ZBTB26: variants seen among roughly 807,000 people sequenced by gnomAD.
ZBTB26 encodes the protein zinc finger and BTB domain-containing protein 26.
In ZBTB26, 12 loss-of-function variants were observed where a neutral mutation model predicts 31.6. The ratio of observed to expected loss-of-function variants is 0.38; its 90% confidence interval spans 0.24 to 0.61. The LOEUF (loss-of-function observed/expected upper bound fraction) is 0.61, where lower values mean the gene tolerates loss of function less well. Ranked by LOEUF, ZBTB26 falls within the 20% of genes least tolerant of loss-of-function variation. The pLI is 0.60. For missense variants in ZBTB26, 311 were observed against 521.9 expected, an observed-to-expected ratio of 0.60 and a Z score of 3.94; for synonymous variants, 155 against 182.9, an observed-to-expected ratio of 0.85 and a Z score of 1.23.
chr9:122,924,456 C>A (rs376932178), intron 1 of ZBTB26, among the ~76,000 whole-genome samples: 2 of 152,084 alleles, frequency 1.3e-5, no homozygotes, highest in African/African-American at 4.8e-5. Context: ...TGACAAAAAA[C>A]AGAAGAATAA....
rs1476099401 is a variant in ZBTB26, at chr9:122,917,385, T to C, written c.*1224A>G. On this transcript the variant is annotated 3_prime_UTR_variant, in exon 2 of 2. Coordinates refer to ENST00000373656, the MANE Select transcript of ZBTB26 (RefSeq NM_020924.4). ...TAAGATTCTCTAAGGACTCTACTAA[T>C]ACTATTACCTAAATCTAACTCATGG... 1 of 152,258 alleles carries C rather than the reference T, an allele frequency of 6.6e-6. No homozygotes were observed. Among genetic ancestry groups the C allele is most frequent in the Admixed American group, 6.5e-5 (1 of 15,284 alleles). 9.4% of individuals were successfully genotyped at this position (152,258 alleles called of 1,614,324 possible).
rs1057171306 is a variant in ZBTB26 at position 122,921,523 on chromosome 9, T to C, written c.-10-1579A>G. Among the ~76,000 whole-genome samples the C allele has an allele frequency of 2.6e-5, 4 of 152,372 alleles. 1 individual carries two copies. The South Asian group carries it at 6.2e-4, about 24-fold the overall frequency. Reference sequence around the variant, plus strand: ...TTTATCATCTTAACTTCTGTAACAATGGATATCAGCTCCTGATGGCAGAGT... The same window carrying C: ...TTTATCATCTTAACTTCTGTAACAACGGATATCAGCTCCTGATGGCAGAGT... On this transcript the variant is annotated intron_variant, in intron 1 of 1. Transcript: ENST00000373656.
chr9:122,920,031 G>T, intron 1 of ZBTB26, 87 bp from the exon 2 acceptor site: 1 of 1,402,976 alleles, frequency 7.1e-7, no homozygotes, highest in Non-Finnish European at 9.6e-7. Flanking sequence ...ACAAATCTGT[G>T]TTGTCATATC....
chr9:122,930,468 A>G (rs1340714912), intron 1 of ZBTB26, among the ~76,000 whole-genome samples: 1 of 152,242 alleles, frequency 6.6e-6, no homozygotes, highest in Non-Finnish European at 1.5e-5. Flanking sequence ...AGAATCTCCG[A>G]TAAGCGTTCC....
intron 1 of ZBTB26, among the ~76,000 whole-genome samples, chr9:122,928,360 G>A (rs1460058173): frequency 6.6e-6 from 1 of 151,998 alleles, no homozygotes; most frequent in African/African-American, 2.4e-5. Flanking sequence ...GAGTGCAGTG[G>A]TGTGATCTCG....
At position 122,918,693 on chromosome 9, in the gene ZBTB26, T is replaced by C. The variant is rs1228092085; in HGVS notation, c.1242A>G (p.Gln414=). Reference sequence around the variant, plus strand: ...CATCCAGGACCTGTGTTGCATCGGGTTGTGGCTGACACCCTTTAGAGTCTG... The same window carrying C: ...CATCCAGGACCTGTGTTGCATCGGGCTGTGGCTGACACCCTTTAGAGTCTG... ...TVTDSKGCQP[Q]PDATQVLDAG... Residue 414 remains glutamine (Q), a synonymous_variant, in exon 2 of 2, where the codon CAA becomes CAG. Transcript: ENST00000373656. 7 of 1,614,216 alleles carry C rather than the reference T, an allele frequency of 4.3e-6. No homozygotes were observed. Among genetic ancestry groups the C allele is most frequent in the East Asian group, 2.2e-5 (1 of 44,892 alleles).
chr9:122,919,687 T>C lies in ZBTB26; in HGVS notation c.248A>G (p.Gln83Arg). 1 of 1,614,214 alleles carries C rather than the reference T, an allele frequency of 6.2e-7. No homozygotes were observed. Among genetic ancestry groups the C allele is most frequent in the South Asian group, 1.1e-5 (1 of 91,088 alleles). Residue 83 changes from glutamine (Q) to arginine (R), a missense_variant, in exon 2 of 2, where the codon CAA (glutamine) becomes CGA (arginine). Physicochemically the swap from Gln to Arg is conservative, Grantham distance 43. This residue lies in a region of ZBTB26 where 207 missense variants were observed against 298.6 expected (regional missense o/e 0.69). Transcript: ENST00000373656. This position sits in a 1 kb window ranked among gnomAD's most constrained non-coding sequence, Gnocchi z 6.1. ...SILQSSEVGR[Q>R]LLLSCYSGVL... ...ACCACTATAACAGGATAAGAGCAAT[T>C]GTCTCCCCACTTCGGAACTCTGTAA...
chr9:122,923,056 C>T (rs895555618), intron 1 of ZBTB26, among the ~76,000 whole-genome samples: 17 of 151,722 alleles, frequency 1.1e-4, no homozygotes, highest in Admixed American at 3.3e-4. Flanking sequence ...TGGTGGCGGG[C>T]GCCTATAGTT....
chr9:122,923,613 AT>A (rs1342180884), intron 1 of ZBTB26, among the ~76,000 whole-genome samples: 1 of 152,214 alleles, frequency 6.6e-6, no homozygotes, highest in Non-Finnish European at 1.5e-5. Flanking sequence ...CAAAAGTGGC[AT>A]TCTTTTTTAG....
chr9:122,930,027 T>C (rs1833245209), intron 1 of ZBTB26, among the ~76,000 whole-genome samples: 1 of 151,996 alleles, frequency 6.6e-6, no homozygotes, highest in African/African-American at 2.4e-5. Context: ...CCCCCCAAAT[T>C]TCCTTATTTT....
rs183248373 is a variant in ZBTB26 at position 122,919,092 on chromosome 9, C to T, written c.843G>A (p.Val281=). ...WHHQCPKCTR[V]FRHLENYANH... ...TGGCGTAGTTCTCCAGGTGACGAAACACCCTGGTACACTTTGGGCACTGGT... is the reference window on the plus strand; with the variant it reads ...TGGCGTAGTTCTCCAGGTGACGAAATACCCTGGTACACTTTGGGCACTGGT... Residue 281 remains valine, a synonymous_variant, in exon 2 of 2, where the codon GTG becomes GTA. Transcript: ENST00000373656. This position sits in a 1 kb window ranked among gnomAD's most constrained non-coding sequence, Gnocchi z 6.1. 6.2e-7 allele frequency: 1 copy of T among 1,614,200 alleles called. No homozygotes were observed. Among genetic ancestry groups the T allele is most frequent in the East Asian group, 2.2e-5 (1 of 44,888 alleles).
At chr9:122,925,905 C>T (rs1833170674) in intron 1 of ZBTB26, among the ~76,000 whole-genome samples, 1 of 151,772 alleles carries the variant, frequency 6.6e-6, no homozygotes, top group Admixed American at 6.6e-5. Flanking sequence ...GGATTACAGG[C>T]AGGCGCCACC....
rs1833026579 is a variant in ZBTB26, at chr9:122,917,208, T to G, written c.*1401A>C. On this transcript the variant is annotated 3_prime_UTR_variant, in exon 2 of 2. Coordinates refer to ENST00000373656, the MANE Select transcript of ZBTB26 (RefSeq NM_020924.4). Reference sequence around the variant, plus strand: ...CTTTTTGCTAATGCATTATTCTTCATGTACTAAATCTTTTAAAGCCAAGGG... The same window carrying G: ...CTTTTTGCTAATGCATTATTCTTCAGGTACTAAATCTTTTAAAGCCAAGGG... The G allele has an allele frequency of 6.6e-6, 1 of 152,240 alleles. No homozygotes were observed. The highest frequency in any genetic ancestry group is 2.1e-4 in the South Asian group (1 of 4,836). 9.4% of individuals were successfully genotyped at this position (152,240 alleles called of 1,614,324 possible). A position where few individuals can be genotyped will look rare whatever the true frequency, so the allele number is the denominator to read the frequency against.
chr9:122,924,688 G>A (rs553445354), intron 1 of ZBTB26, among the ~76,000 whole-genome samples: 6 of 147,498 alleles, frequency 4.1e-5, no homozygotes, highest in African/African-American at 1.5e-4. Context: ...ATGCAGTGGC[G>A]TAATCATAGC....
At chr9:122,926,710 G>T (rs1457599282) in intron 1 of ZBTB26, among the ~76,000 whole-genome samples, 1 of 152,074 alleles carries the variant, frequency 6.6e-6, no homozygotes, top group African/African-American at 2.4e-5. Context: ...AGACTTAAAT[G>T]GCAAGCATAT....
Position 122,916,948 on chromosome 9 carries a change from CT to C in ZBTB26, c.*1660del, listed in dbSNP as rs1833024215. 6.6e-6 allele frequency: 1 copy of C among 152,194 alleles called. No homozygotes were observed. Among genetic ancestry groups the C allele is most frequent in the South Asian group, 2.1e-4 (1 of 4,830 alleles). The allele number at this position is 152,194 out of a possible 1,614,324, so 9.4% of individuals were successfully genotyped here. A position where few individuals can be genotyped will look rare whatever the true frequency, so the allele number is the denominator to read the frequency against. Reference sequence around the variant, plus strand: ...TAAAAACAGAAAATCCTGATGGAAACTAATAAACAGTTTTCCACACAAAATC... The same window carrying C: ...TAAAAACAGAAAATCCTGATGGAAACAATAAACAGTTTTCCACACAAAATC... On this transcript the variant is annotated 3_prime_UTR_variant, in exon 2 of 2. Transcript: ENST00000373656.
chr9:122,919,966 A>G lies in ZBTB26; in HGVS notation c.-10-22T>C. The stretch of plus-strand genomic sequence containing the variant: ...AGACCTAAAGAACAGAAATGTAAAA[A>G]GGTTGAATTTAAGGAAACTCAGACA... On this transcript the variant is annotated intron_variant, in intron 1 of 1. Transcript: ENST00000373656. This position sits in a 1 kb window ranked among gnomAD's most constrained non-coding sequence, Gnocchi z 6.1. 3 of 1,530,488 alleles carry G rather than the reference A, an allele frequency of 2.0e-6. No individual in the cohort carries two copies. The highest frequency in any genetic ancestry group is 2.6e-6 in the Non-Finnish European group (3 of 1,146,230). The allele number at this position is 1,530,488 out of a possible 1,614,324, so 94.8% of individuals were successfully genotyped here.
At chr9:122,927,732 A>G (rs1833204317) in intron 1 of ZBTB26, among the ~76,000 whole-genome samples, 2 of 152,122 alleles carry the variant, frequency 1.3e-5, no homozygotes, top group African/African-American at 4.8e-5. Flanking sequence ...ATTTTTGAAG[A>G]TTTTAGATGT....
At position 122,926,362 on chromosome 9, in the gene ZBTB26, C is replaced by A. The variant is rs1833180073; in HGVS notation, c.-11+5075G>T. Among the ~76,000 whole-genome samples the A allele has an allele frequency of 2.6e-5, 4 of 151,932 alleles. 1 individual carries two copies. On this transcript the variant is annotated intron_variant, in intron 1 of 1. Coordinates refer to ENST00000373656, the MANE Select transcript of ZBTB26 (RefSeq NM_020924.4). Reference sequence around the variant, plus strand: ...CTAAAACTACAAAAAAAAAAATTAGCCAGGAGTGGTGGCGGGCACCTGTAG... The same window carrying A: ...CTAAAACTACAAAAAAAAAAATTAGACAGGAGTGGTGGCGGGCACCTGTAG...
Sources: allele counts gnomAD v4.1 joint callset (sites outside exome capture counted in the v4.1 genomes callset), GRCh38; gene constraint gnomAD v4.1.1; regional missense constraint gnomAD v4.1.1; non-coding constraint Gnocchi (gnomAD v3.1); transcripts MANE v1.5; gene names NCBI Gene and HGNC (gene_info 2026-07-23, HGNC 2026-07-21).